The following IMPG2 variants were observed in gnomAD, a reference collection of about 807,000 sequenced individuals.
The protein encoded by IMPG2 is IPM 200.
Under a neutral mutation model 129.2 loss-of-function variants are expected in IMPG2, and 91 were observed. The ratio of observed to expected loss-of-function variants is 0.70; its 90% CI spans 0.59 to 0.84. The LOEUF (loss-of-function observed/expected upper bound fraction) is 0.84, where lower values mean the gene tolerates loss of function less well. Ranked by LOEUF, IMPG2 falls within the 40% of genes least tolerant of loss-of-function variation. IMPG2 has a pLI of 0.00. For missense variants in IMPG2, 1,430 were observed against 1,461.7 expected, an observed-to-expected ratio of 0.98 and a Z score of 0.35; for synonymous variants, 510 against 517.7, an observed-to-expected ratio of 0.99 and a Z score of 0.20.
chr3:101,302,746 T>C (rs557680259), intron 3 of IMPG2, among the ~76,000 whole-genome samples: 2 of 152,244 alleles, frequency 1.3e-5, no homozygotes, highest in African/African-American at 4.8e-5. Flanking sequence ...ACTGAGCAGT[T>C]AAAAATGTGG....
chr3:101,229,952 G>A (rs145539940), intron 16 of IMPG2, among the ~76,000 whole-genome samples: 74 of 152,156 alleles, frequency 4.9e-4, no homozygotes, highest in South Asian at 2.1e-4. Context: ...GTGTAGCCAC[G>A]CAGCAAATCT....
intron 3 of IMPG2, among the ~76,000 whole-genome samples, chr3:101,295,439 G>A (rs1295620077): frequency 6.6e-6 from 1 of 152,148 alleles, no homozygotes; most frequent in African/African-American, 2.4e-5. Context: ...TGGTCTATAT[G>A]TCTGTTTTGG....
chr3:101,272,055 T>C (rs545416851), intron 7 of IMPG2, among the ~76,000 whole-genome samples: 2 of 152,108 alleles, frequency 1.3e-5, no homozygotes, highest in South Asian at 2.1e-4. Flanking sequence ...TACTTCGTGT[T>C]ATCCCAAGCC....
chr3:101,314,962 G>A (rs1204143605), intron 2 of IMPG2, among the ~76,000 whole-genome samples: 1 of 152,020 alleles, frequency 6.6e-6, no homozygotes, highest in African/African-American at 2.4e-5. Context: ...ATGGGTGACA[G>A]TCAAAATGCA....
chr3:101,236,798 G>T (rs536743054), intron 14 of IMPG2, among the ~76,000 whole-genome samples: 2 of 152,300 alleles, frequency 1.3e-5, no homozygotes, highest in African/African-American at 4.8e-5. Flanking sequence ...CAAGCTAGCT[G>T]CAGGAGTTGG....
In IMPG2 at chr3:101,229,408, ATCTG is replaced by A; in HGVS notation, c.3601_3604del (p.Gln1201CysfsTer16). ...TCTGGAAAGCTCACTGCTCTCATAC[ATCTG>A]TCTGATTTCTTCTCTGCTCAGCCCA... is the stretch of plus-strand genomic sequence containing the variant. On this transcript the variant is annotated frameshift_variant, in exon 17 of 19. Coordinates refer to ENST00000193391, the MANE Select transcript of IMPG2 (RefSeq NM_016247.4). LOFTEE classifies it high-confidence loss of function. 6.2e-7 allele frequency: 1 copy of A among 1,610,764 alleles called. No homozygotes were observed.
At chr3:101,256,187 AAGAAAGAAAGAAAGAAAGAAAG>A (rs1706603125) in intron 10 of IMPG2, among the ~76,000 whole-genome samples, 1 of 150,396 alleles carries the variant, frequency 6.6e-6, no homozygotes, top group Non-Finnish European at 1.5e-5. Flanking sequence ...GAAAGAAAGA[AAGAAAGAAAGAAAGAAAGAAAG>A]AAAGAAAGAA....
chr3:101,253,417 C>T (rs1706565532), intron 11 of IMPG2, among the ~76,000 whole-genome samples: 2 of 152,084 alleles, frequency 1.3e-5, no homozygotes, highest in Admixed American at 1.3e-4. Context: ...ACTTAATAGC[C>T]TAATTATCAC....
chr3:101,300,796 T>C (rs1292581903), intron 3 of IMPG2, among the ~76,000 whole-genome samples: 2 of 152,360 alleles, frequency 1.3e-5, no homozygotes, highest in East Asian at 3.9e-4. Context: ...GTTGGCCATC[T>C]TGGCCCCGCC....
At chr3:101,239,571 T>A (rs1706383902) in intron 14 of IMPG2, among the ~76,000 whole-genome samples, 1 of 152,090 alleles carries the variant, frequency 6.6e-6, no homozygotes, top group Non-Finnish European at 1.5e-5. Flanking sequence ...CATTGCTGCC[T>A]ATATACCCAA....
intron 14 of IMPG2, among the ~76,000 whole-genome samples, chr3:101,233,355 T>C (rs1333891763): frequency 1.3e-5 from 2 of 152,196 alleles, no homozygotes; most frequent in African/African-American, 4.8e-5. Context: ...CATGGACCAT[T>C]CATTTCCACC....
chr3:101,301,439 G>C (rs567079682), intron 3 of IMPG2, among the ~76,000 whole-genome samples: 1 of 152,272 alleles, frequency 6.6e-6, no homozygotes, highest in Admixed American at 6.5e-5. Flanking sequence ...ATAAAATAAA[G>C]TATGCCCGCA....
At chr3:101,308,837 T>C (rs1376421388) in intron 2 of IMPG2, among the ~76,000 whole-genome samples, 1 of 152,240 alleles carries the variant, frequency 6.6e-6, no homozygotes, top group Non-Finnish European at 1.5e-5. Flanking sequence ...TAAACATAAC[T>C]TTCAATTCCA....
At chr3:101,285,352 C>A (rs992229783) in intron 4 of IMPG2, among the ~76,000 whole-genome samples, 1 of 152,184 alleles carries the variant, frequency 6.6e-6, no homozygotes, top group African/African-American at 2.4e-5. Context: ...TCTGCCCCTA[C>A]TCTCACTGAA....
chr3:101,255,929 T>G (rs1478576426), intron 10 of IMPG2, among the ~76,000 whole-genome samples: 3 of 151,832 alleles, frequency 2.0e-5, no homozygotes, highest in Admixed American at 2.0e-4. Context: ...CTTAAAGTCC[T>G]ATGTAATTCA....
intron 2 of IMPG2, among the ~76,000 whole-genome samples, chr3:101,309,439 C>T (rs1336408124): frequency 6.6e-6 from 1 of 152,140 alleles, no homozygotes; most frequent in Non-Finnish European, 1.5e-5. Context: ...GGAGCAAACA[C>T]ATCCTTCTTC....
intron 2 of IMPG2, among the ~76,000 whole-genome samples, chr3:101,309,086 A>G (rs540278947): frequency 1.4e-4 from 22 of 152,338 alleles, no homozygotes; most frequent in Non-Finnish European, 2.9e-5. Flanking sequence ...AGACCTCCTC[A>G]GCCTGGACTT....
chr3:101,294,785 C>G (rs1423727195), intron 3 of IMPG2, among the ~76,000 whole-genome samples: 2 of 152,228 alleles, frequency 1.3e-5, no homozygotes, highest in Non-Finnish European at 2.9e-5. Flanking sequence ...AATTGCCATT[C>G]TGACTGGTGT....
At chr3:101,311,696 G>A (rs985647943) in intron 2 of IMPG2, among the ~76,000 whole-genome samples, 1 of 152,126 alleles carries the variant, frequency 6.6e-6, no homozygotes, top group African/African-American at 2.4e-5. Flanking sequence ...CTTCTTTGTA[G>A]AAACTGACAA....
Sources: gnomAD v4.1 joint callset for allele counts (sites outside exome capture counted in the v4.1 genomes callset) on GRCh38, gnomAD v4.1.1 for gene constraint, MANE v1.5 for transcripts, NCBI Gene and HGNC (gene_info 2026-07-23, HGNC 2026-07-21) for gene names.